The following LRRTM3 variants were observed in gnomAD, a reference collection of about 807,000 sequenced individuals.
The protein encoded by LRRTM3 is leucine-rich repeat transmembrane neuronal protein 3.
A neutral mutation model predicts 44.7 loss-of-function variants in LRRTM3; 24 were observed. The ratio of observed to expected loss-of-function variants is 0.54; its 90% CI spans 0.39 to 0.76. The LOEUF is 0.76. Among genes scored for constraint, LRRTM3 ranks in the 30% least tolerant of loss-of-function variants. LRRTM3 has a pLI of 0.00. For missense variants in LRRTM3, 587 were observed against 702.2 expected, an observed-to-expected ratio of 0.84 and a Z score of 1.85; for synonymous variants, 277 against 278.7, an observed-to-expected ratio of 0.99 and a Z score of 0.06.
chr10:66,946,069 A>G (rs767212246), intron 2 of LRRTM3, among the ~76,000 whole-genome samples: 1 of 152,216 alleles, frequency 6.6e-6, no homozygotes, highest in Non-Finnish European at 1.5e-5. Flanking sequence ...AAATGAGCAC[A>G]TGCTGTTGAA....
intron 2 of LRRTM3, among the ~76,000 whole-genome samples, chr10:66,985,224 T>C (rs1850662541): frequency 6.6e-6 from 1 of 152,180 alleles, no homozygotes; most frequent in South Asian, 2.1e-4. Context: ...GTTTATTTAG[T>C]AAAGGGGTGA....
intron 2 of LRRTM3, among the ~76,000 whole-genome samples, chr10:67,043,277 G>A (rs182410488): frequency 2.0e-5 from 3 of 151,734 alleles, no homozygotes; most frequent in Non-Finnish European, 4.4e-5. Context: ...ATGGCCTGAG[G>A]GTTCTACATC....
At chr10:66,971,904 T>A (rs1849744306) in intron 2 of LRRTM3, among the ~76,000 whole-genome samples, 1 of 152,186 alleles carries the variant, frequency 6.6e-6, no homozygotes, top group Admixed American at 6.5e-5. Flanking sequence ...CATATTCTTT[T>A]TTTTTTAAAC....
chr10:66,944,973 T>C (rs1235016140), intron 2 of LRRTM3, among the ~76,000 whole-genome samples: 1 of 152,186 alleles, frequency 6.6e-6, no homozygotes, highest in Non-Finnish European at 1.5e-5. Flanking sequence ...ATACAGGCTT[T>C]GCTGTTCCAC....
intron 2 of LRRTM3, among the ~76,000 whole-genome samples, chr10:67,091,991 A>G (rs985600162): frequency 2.0e-5 from 3 of 152,018 alleles, no homozygotes; most frequent in South Asian, 2.1e-4. Flanking sequence ...AATAAACTCA[A>G]CTGAAAACCC....
intron 2 of LRRTM3, among the ~76,000 whole-genome samples, chr10:67,036,495 C>A (rs1310507733): frequency 6.6e-6 from 1 of 152,098 alleles, no homozygotes; most frequent in Non-Finnish European, 1.5e-5. Flanking sequence ...GAAACCCCGT[C>A]TCTACTAAAA....
chr10:67,006,741 T>C (rs557271232), intron 2 of LRRTM3, among the ~76,000 whole-genome samples: 1 of 152,300 alleles, frequency 6.6e-6, no homozygotes, highest in African/African-American at 2.4e-5. Context: ...TCTTTGAATG[T>C]TCAAATTCTG....
At chr10:66,972,107 T>G (rs1005872396) in intron 2 of LRRTM3, among the ~76,000 whole-genome samples, 2 of 152,186 alleles carry the variant, frequency 1.3e-5, no homozygotes, top group Admixed American at 1.3e-4. Context: ...AGTGTTGCCA[T>G]AGCACACCTA....
intron 2 of LRRTM3, among the ~76,000 whole-genome samples, chr10:67,027,231 T>A (rs574771493): frequency 3.0e-4 from 46 of 152,054 alleles, no homozygotes; most frequent in Non-Finnish European, 5.4e-4. Context: ...AAAGGAAGGA[T>A]GAGAGGAGGA....
intron 2 of LRRTM3, among the ~76,000 whole-genome samples, chr10:66,994,476 G>T (rs1271547323): frequency 6.6e-6 from 1 of 152,114 alleles, no homozygotes; most frequent in African/African-American, 2.4e-5. Context: ...CCAAATATCT[G>T]CAATTCCTAG....
At chr10:66,972,009 T>C (rs1849749667) in intron 2 of LRRTM3, among the ~76,000 whole-genome samples, 1 of 152,094 alleles carries the variant, frequency 6.6e-6, no homozygotes, top group Non-Finnish European at 1.5e-5. Flanking sequence ...CTCTTGAAAA[T>C]TTTCCTCATT....
intron 2 of LRRTM3, chr10:67,054,787 G>GTACCAACTCAGTAA (rs1031668149): frequency 3.3e-5 from 5 of 152,038 alleles, no homozygotes; most frequent in African/African-American, 9.7e-5. Flanking sequence ...TCTCTTAATG[G>GTACCAACTCAGTAA]TACCAACTCA....
At chr10:66,963,208 C>G (rs1792395591) in intron 2 of LRRTM3, among the ~76,000 whole-genome samples, 1 of 152,192 alleles carries the variant, frequency 6.6e-6, no homozygotes, top group Non-Finnish European at 1.5e-5. Context: ...CCACATGGGA[C>G]AGTGCATCCA....
Position 66,983,483 on chromosome 10 carries a change from CAGA to C in LRRTM3, c.1536+55034_1536+55036del, listed in dbSNP as rs560144873. ...CCCACCTAACCAAGGATATAAAATA[CAGA>C]AGGACTGCATTTGTGATTGTGGTTC... On this transcript the variant is annotated intron_variant, in intron 2 of 2. Coordinates refer to ENST00000361320, the MANE Select transcript of LRRTM3 (RefSeq NM_178011.5). Among the ~76,000 whole-genome samples, 15 of 152,284 alleles carry C rather than the reference CAGA, an allele frequency of 9.9e-5. No individual in the cohort carries two copies. In the South Asian group the frequency reaches 2.5e-3, roughly 25 times the overall value.
chr10:67,058,996 C>G (rs1725075343), intron 2 of LRRTM3, among the ~76,000 whole-genome samples: 1 of 152,148 alleles, frequency 6.6e-6, no homozygotes, highest in African/African-American at 2.4e-5. Context: ...GTTTTCCCTC[C>G]TTTAGTCTTT....
At chr10:67,088,149 G>C (rs1857416443) in intron 2 of LRRTM3, among the ~76,000 whole-genome samples, 2 of 151,462 alleles carry the variant, frequency 1.3e-5, no homozygotes, top group Admixed American at 1.3e-4. Context: ...GGGGAGATAA[G>C]AAATGCTTTT....
chr10:66,952,238 G>A (rs915663974), intron 2 of LRRTM3, among the ~76,000 whole-genome samples: 10 of 152,180 alleles, frequency 6.6e-5, no homozygotes, highest in South Asian at 4.1e-4. Context: ...AATACTCATT[G>A]TAATTGAAAC....
chr10:67,064,943 A>G (rs1278163198), intron 2 of LRRTM3, among the ~76,000 whole-genome samples: 1 of 152,202 alleles, frequency 6.6e-6, no homozygotes, highest in African/African-American at 2.4e-5. Context: ...TCAATAAAGA[A>G]AATGCATGTA....
intron 2 of LRRTM3, among the ~76,000 whole-genome samples, chr10:67,042,779 A>G (rs888994184): frequency 1.2e-4 from 18 of 152,178 alleles, no homozygotes; most frequent in African/African-American, 4.3e-4. Flanking sequence ...TTCAGAACAA[A>G]GAAGTCCATG....
Sources: allele counts gnomAD v4.1 joint callset (sites outside exome capture counted in the v4.1 genomes callset), GRCh38; gene constraint gnomAD v4.1.1; transcripts MANE v1.5; gene names NCBI Gene and HGNC (gene_info 2026-07-23, HGNC 2026-07-21).